Variants in ACP4 observed in about 807,000 individuals in gnomAD.
ACP4 encodes testicular acid phosphatase.
A neutral mutation model predicts 47.3 loss-of-function variants in ACP4; 49 were observed. The ratio of observed to expected loss-of-function variants is 1.04; its 90% CI spans 0.82 to 1.32. The LOEUF (loss-of-function observed/expected upper bound fraction) is 1.32, where lower values mean the gene tolerates loss of function less well. Ranked by LOEUF, ACP4 falls within the 40% of genes most tolerant of loss-of-function variation. ACP4 has a pLI of 0.00. For missense variants in ACP4, 594 were observed against 579.3 expected, an observed-to-expected ratio of 1.03 and a Z score of -0.26; for synonymous variants, 299 against 265.3, an observed-to-expected ratio of 1.13 and a Z score of -1.23.
In ACP4 at chr19:50,794,800, C is replaced by T. The variant is rs1328504508; in HGVS notation, c.1001C>T (p.Ser334Phe). ...TCTCTCTCCAGGAATGTCACCGTCT[C>T]CCTCTTCTACCGCAATGACTCCGCC... Reference protein sequence around the residue: ...PAKDGGNVTVSLFYRNDSAHL... With the variant: ...PAKDGGNVTVFLFYRNDSAHL... The change falls in exon 10 of 11, where the codon TCC becomes TTC. Residue 334 changes from serine to phenylalanine, a missense_variant. Physicochemically the swap from Ser to Phe is radical, Grantham distance 155 (BLOSUM62 -2). Transcript: ENST00000270593. 2 of 1,604,026 alleles carry T rather than the reference C, an allele frequency of 1.2e-6. No individual in the cohort carries two copies. The highest frequency in any genetic ancestry group is 1.7e-6 in the Non-Finnish European group (2 of 1,173,820).
chr19:50,795,179 T>C lies in ACP4; in HGVS notation c.*21T>C. 2 of 1,519,568 alleles carry C rather than the reference T, an allele frequency of 1.3e-6. No homozygotes were observed. The highest frequency in any genetic ancestry group is 8.8e-7 in the Non-Finnish European group (1 of 1,135,104). The allele number at this position is 1,519,568 out of a possible 1,614,324, so 94.1% of individuals were successfully genotyped here. Reference sequence around the variant, plus strand: ...TGTGAGCCAGAAACCAGGGCTTCCCTACCCCCAGCTGACACTGGACCCCAA... The same window carrying C: ...TGTGAGCCAGAAACCAGGGCTTCCCCACCCCCAGCTGACACTGGACCCCAA... On this transcript the variant is annotated 3_prime_UTR_variant, in exon 11 of 11. Transcript: ENST00000270593.
Position 50,794,795 on chromosome 19 carries a change from C to T in ACP4, c.996C>T (p.Thr332=), listed in dbSNP as rs767935543. 5.0e-6 allele frequency: 8 copies of T among 1,601,378 alleles called. No homozygotes were observed. Among genetic ancestry groups the T allele is most frequent in the African/African-American group, 1.3e-5 (1 of 74,852 alleles). ...TGTCCTCTCTCTCCAGGAATGTCAC[C>T]GTCTCCCTCTTCTACCGCAATGACT... ...GNPAKDGGNV[T]VSLFYRNDSA... The change falls in exon 10 of 11, where the codon ACC becomes ACT. Residue 332 remains threonine (T), a synonymous_variant. Coordinates refer to ENST00000270593, the MANE Select transcript of ACP4 (RefSeq NM_033068.3).
Position 50,795,147 on chromosome 19 carries a change from G to T in ACP4, c.1270G>T (p.Gly424Cys). 1.3e-6 allele frequency: 2 copies of T among 1,545,248 alleles called. No individual in the cohort carries two copies. Among genetic ancestry groups the T allele is most frequent in the Non-Finnish European group, 1.7e-6 (2 of 1,148,414 alleles). The change falls in exon 11 of 11, where the codon GGC (glycine) becomes TGC (cysteine). Residue 424 changes from glycine to cysteine, a missense_variant. Coordinates refer to ENST00000270593, the MANE Select transcript of ACP4 (RefSeq NM_033068.3). Reference sequence around the variant, plus strand: ...ACCAGGGTGCCTGCGGGCCTTGGGGGGCCCCGTGTGAGCCAGAAACCAGGG... The same window carrying T: ...ACCAGGGTGCCTGCGGGCCTTGGGGTGCCCCGTGTGAGCCAGAAACCAGGG... ...WRPGCLRALG[G>C]PV
Position 50,791,817 on chromosome 19 carries a change from C to A in ACP4, c.450+15C>A. ...CTGAGGATAAGGTCAGGGGGCTGGACCCACGTGTGGCGAGGGAGGGAGCGG... is the reference window on the plus strand; with the variant it reads ...CTGAGGATAAGGTCAGGGGGCTGGAACCACGTGTGGCGAGGGAGGGAGCGG... On this transcript the variant is annotated intron_variant, in intron 4 of 10. Coordinates refer to ENST00000270593, the MANE Select transcript of ACP4 (RefSeq NM_033068.3). 6.3e-7 allele frequency: 1 copy of A among 1,580,620 alleles called. No individual in the cohort carries two copies. The highest frequency in any genetic ancestry group is 8.6e-7 in the Non-Finnish European group (1 of 1,160,922).
At chr19:50,793,328 G>A (rs536079232) in intron 6 of ACP4, 5 of 231,948 alleles carry the variant, frequency 2.2e-5, no homozygotes, top group Non-Finnish European at 2.6e-5. Flanking sequence ...TGACCAACAC[G>A]GTAAAACCCC....
Position 50,794,907 on chromosome 19 carries a change from C to T in ACP4, c.1108C>T (p.Arg370Trp), listed in dbSNP as rs758425746. The change falls in exon 10 of 11, where the codon CGG (arginine) becomes TGG (tryptophan). Residue 370 changes from arginine to tryptophan, a missense_variant. Transcript: ENST00000270593. Reference sequence around the variant, plus strand: ...CTTCTACCAGCTGACTGCCCCGGCCCGGCCTCCCGCCCATGGGGTCTCCTG... The same window carrying T: ...CTTCTACCAGCTGACTGCCCCGGCCTGGCCTCCCGCCCATGGGGTCTCCTG... ...GRFYQLTAPARPPAHGVSCHG... is the reference protein window; with the variant it reads ...GRFYQLTAPAWPPAHGVSCHG... 33 of 1,613,446 alleles carry T rather than the reference C, an allele frequency of 2.0e-5. No individual in the cohort carries two copies. Among genetic ancestry groups the T allele is most frequent in the Non-Finnish European group, 2.4e-5 (28 of 1,179,930 alleles).
rs2089506665 is a variant in ACP4 at position 50,791,583 on chromosome 19, CTGATT to C, written c.304-70_304-66del. 7.1e-6 allele frequency: 11 copies of C among 1,557,022 alleles called. No homozygotes were observed. In the Admixed American group the frequency reaches 1.7e-4, roughly 24 times the overall value. ...CTACTCCAAAGTGAATCTGAGGCTT[CTGATT>C]TGCCACGACAGCTGACCTCTGTCCC... On this transcript the variant is annotated intron_variant, in intron 3 of 10. Coordinates refer to ENST00000270593, the MANE Select transcript of ACP4 (RefSeq NM_033068.3).
At chr19:50,793,611 G>A (rs201083280) in intron 6 of ACP4, 73 bp from the exon 7 acceptor site, 1 of 1,579,736 alleles carries the variant, frequency 6.3e-7, no homozygotes, top group Non-Finnish European at 8.6e-7. Flanking sequence ...AAGAGCAGGG[G>A]GCAGCACAGG....
In ACP4 at chr19:50,793,675, T is replaced by A; in HGVS notation, c.646-9T>A. On this transcript the variant is annotated splice_polypyrimidine_tract_variant and intron_variant, in intron 6 of 10. Coordinates refer to ENST00000270593, the MANE Select transcript of ACP4 (RefSeq NM_033068.3). Reference sequence around the variant, plus strand: ...CTCAGGATGGTCCATCTGTCCTGTCTCCCCACAGCAAGCCCACGGTCTTCC... The same window carrying A: ...CTCAGGATGGTCCATCTGTCCTGTCACCCCACAGCAAGCCCACGGTCTTCC... The A allele has an allele frequency of 6.2e-7, 1 of 1,612,486 alleles. No homozygotes were observed. The highest frequency in any genetic ancestry group is 8.5e-7 in the Non-Finnish European group (1 of 1,179,620).
Position 50,790,853 on chromosome 19 carries a change from G to A in ACP4, c.296G>A (p.Arg99Gln), listed in dbSNP as rs752416597. Residue 99 changes from arginine to glutamine, a missense_variant, in exon 3 of 11, where the codon CGG becomes CAG. Physicochemically the swap from Arg to Gln is conservative, Grantham distance 43. Transcript: ENST00000270593. ...YEAFLSPEYR[R>Q]EEVYIRSTDF... is the part of the protein sequence containing the mutation. ...GCCTTCCTGAGTCCGGAGTACCGGCGGGAGGAGGTAGGGCCATAGTGACCC... is the reference window on the plus strand; with the variant it reads ...GCCTTCCTGAGTCCGGAGTACCGGCAGGAGGAGGTAGGGCCATAGTGACCC... 11 of 1,547,378 alleles carry A rather than the reference G, an allele frequency of 7.1e-6. No individual in the cohort carries two copies. Among genetic ancestry groups the A allele is most frequent in the South Asian group, 3.6e-5 (3 of 83,790 alleles).
chr19:50,792,225 C>A lies in ACP4; in HGVS notation c.550-17C>A. ...TGCAGGGGATGGGCCTGGGCTCACC[C>A]AGCCCCGCGCATCCAGGGCTTCCTG... On this transcript the variant is annotated splice_polypyrimidine_tract_variant and intron_variant, in intron 5 of 10. Coordinates refer to ENST00000270593, the MANE Select transcript of ACP4 (RefSeq NM_033068.3). 6.2e-7 allele frequency: 1 copy of A among 1,612,560 alleles called. No homozygotes were observed.
At chr19:50,791,942 C>T (rs1599910776) in intron 4 of ACP4, 131 bp from the exon 5 acceptor site, 1 of 1,444,290 alleles carries the variant, frequency 6.9e-7, no homozygotes, top group East Asian at 2.5e-5. Flanking sequence ...AGCCCCGGCC[C>T]ACGCTGCTCT....
At chr19:50,792,423 C>A (rs2089518404) in intron 6 of ACP4, 86 bp downstream of exon 6, 92 of 1,377,878 alleles carry the variant, frequency 6.7e-5, no homozygotes, top group Non-Finnish European at 8.8e-5. Context: ...TTCCCTCAGG[C>A]ATGTAGTTAA....
At chr19:50,792,568 G>C in intron 6 of ACP4, 1 of 518,350 alleles carries the variant, frequency 1.9e-6, no homozygotes, top group Non-Finnish European at 3.4e-6. Context: ...TGTACAGTGA[G>C]GGCCTTGCCA....
chr19:50,794,246 T>C (rs972870321), intron 8 of ACP4, among the ~76,000 whole-genome samples: 1 of 152,220 alleles, frequency 6.6e-6, no homozygotes, highest in African/African-American at 2.4e-5. Flanking sequence ...GGAGAAAGGC[T>C]GCTTAGTCCA....
At chr19:50,794,417 C>A in intron 8 of ACP4, 40 bp from the exon 9 acceptor site, 3 of 1,610,254 alleles carry the variant, frequency 1.9e-6, no homozygotes, top group Non-Finnish European at 1.7e-6. Flanking sequence ...GAAAGGCCTC[C>A]AGAGAGAAGT....
chr19:50,792,084 C>A lies in ACP4; in HGVS notation c.462C>A (p.Phe154Leu). ...VPVAEDKLLR[F>L]PMRSCPRYHE... ...TCAGTTTTCCCCAGCTGCTGAGGTTCCCCATGCGCAGCTGTCCCCGATACC... is the reference window on the plus strand; with the variant it reads ...TCAGTTTTCCCCAGCTGCTGAGGTTACCCATGCGCAGCTGTCCCCGATACC... Residue 154 changes from phenylalanine (F) to leucine (L), a missense_variant, in exon 5 of 11, where the codon TTC (phenylalanine) becomes TTA (leucine). Physicochemically the swap from Phe to Leu is conservative, Grantham distance 22. Transcript: ENST00000270593. 6.3e-7 allele frequency: 1 copy of A among 1,586,792 alleles called. No individual in the cohort carries two copies.
Position 50,792,150 on chromosome 19 carries a change from G to C in ACP4, c.528G>C (p.Gln176His), listed in dbSNP as rs774740893. The C allele has an allele frequency of 1.2e-6, 2 of 1,609,908 alleles. No individual in the cohort carries two copies. The highest frequency in any genetic ancestry group is 2.2e-5 in the South Asian group (2 of 90,890). Residue 176 changes from glutamine (Q) to histidine (H), a missense_variant, in exon 5 of 11, where the codon CAG (glutamine) becomes CAC (histidine). Gln to His is a conservative substitution (Grantham distance 24). Transcript: ENST00000270593. ...AGGCCACCGAGGCCGCCGAGTACCA[G>C]GAGGCCCTGGAGGGCTGGACGGTGA... ...LREATEAAEY[Q>H]EALEGWTGFL...
In ACP4 at chr19:50,793,893, C is replaced by G. The variant is rs368734569; in HGVS notation, c.784C>G (p.Leu262Val). 3.7e-6 allele frequency: 6 copies of G among 1,614,040 alleles called. No homozygotes were observed. Among genetic ancestry groups the G allele is most frequent in the Non-Finnish European group, 5.1e-6 (6 of 1,180,046 alleles). The change falls in exon 8 of 11, where the codon CTG (leucine) becomes GTG (valine). Residue 262 changes from leucine to valine, a missense_variant. By Grantham distance (32) the Leu-to-Val change is conservative (BLOSUM62 1). Transcript: ENST00000270593. ...AEKAQLTGGI[L>V]LNAILANFSR... ...CTCTTTTTTCCCATCCTCAGGGATC[C>G]TGCTGAATGCTATCCTTGCAAACTT...
Sources: gnomAD v4.1 joint callset for allele counts (sites outside exome capture counted in the v4.1 genomes callset) on GRCh38, gnomAD v4.1.1 for gene constraint, MANE v1.5 for transcripts, NCBI Gene and HGNC (gene_info 2026-07-23, HGNC 2026-07-21) for gene names.